PDE4B: variants seen among roughly 807,000 people sequenced by gnomAD.
The protein encoded by PDE4B is 3',5'-cyclic-AMP phosphodiesterase 4B.
A neutral mutation model predicts 82.2 loss-of-function variants in PDE4B; 20 were observed. The observed-to-expected ratio is 0.24, with a 90% CI of 0.17 to 0.35. The LOEUF (loss-of-function observed/expected upper bound fraction) is 0.35. Ranked by LOEUF, PDE4B falls within the 10% of genes least tolerant of loss-of-function variation. PDE4B has a pLI of 1.00. For synonymous variants in PDE4B, 320 were observed against 318.9 expected (o/e 1.00, Z -0.04); for missense variants, 655 against 907.2 (o/e 0.72, Z 3.57).
At chr1:65,926,625 A>G (rs1376655669) in intron 3 of PDE4B, among the ~76,000 whole-genome samples, 1 of 152,186 alleles carries the variant, frequency 6.6e-6, no homozygotes, top group Non-Finnish European at 1.5e-5. Flanking sequence ...AGAAAGGAAC[A>G]TCTGAGTTTG....
chr1:66,260,348 A>G (rs942055738), intron 6 of PDE4B, among the ~76,000 whole-genome samples: 4 of 152,218 alleles, frequency 2.6e-5, no homozygotes, highest in Non-Finnish European at 5.9e-5. Flanking sequence ...CTTCTGGGTT[A>G]TAGGAAGAAG....
chr1:66,067,106 G>A (rs1023756150), intron 3 of PDE4B, among the ~76,000 whole-genome samples: 2 of 152,020 alleles, frequency 1.3e-5, no homozygotes, highest in African/African-American at 4.8e-5. Flanking sequence ...CATTTGGGTT[G>A]GTTCCAAGTC....
intron 1 of PDE4B, among the ~76,000 whole-genome samples, chr1:65,898,932 A>G (rs61799372): frequency 0.27 from 40,490 of 152,088 alleles, 6,065 homozygotes; most frequent in East Asian, 0.48. Flanking sequence ...CAAGAACTCA[A>G]AAGCAAATGC....
At chr1:66,041,829 TAC>T (rs58537930) in intron 3 of PDE4B, among the ~76,000 whole-genome samples, 4 of 145,612 alleles carry the variant, frequency 2.7e-5, no homozygotes, top group Non-Finnish European at 6.1e-5. Flanking sequence ...CACACACACA[TAC>T]ACACACACAC....
Position 65,958,752 on chromosome 1 carries a change from G to A in PDE4B, c.281+39917G>A, listed in dbSNP as rs57948573. 7.3e-3 allele frequency among the ~76,000 whole-genome samples: 441 copies of A among 60,604 alleles called. 3 individuals carry two copies. The highest frequency in any genetic ancestry group is 0.026 in the African/African-American group (301 of 11,518). 39.8% of individuals were successfully genotyped at this position (60,604 alleles called of 152,430 possible). ...ATGTGATACACACACACACACACGC[G>A]CGCGCGCGCGCGCACACACATACAC... On this transcript the variant is annotated intron_variant, in intron 3 of 16. Transcript: ENST00000341517.
intron 8 of PDE4B, among the ~76,000 whole-genome samples, chr1:66,349,601 A>G (rs1661670549): frequency 6.6e-6 from 1 of 152,180 alleles, no homozygotes; most frequent in African/African-American, 2.4e-5. Context: ...TTCTTTGACC[A>G]TGTTACCAAC....
chr1:66,134,954 A>G (rs1646026592), intron 3 of PDE4B, among the ~76,000 whole-genome samples: 1 of 152,248 alleles, frequency 6.6e-6, no homozygotes, highest in South Asian at 2.1e-4. Context: ...TATCATGCAT[A>G]ATTACATAGT....
At chr1:66,191,924 G>T (rs1040390315) in intron 3 of PDE4B, among the ~76,000 whole-genome samples, 4 of 152,094 alleles carry the variant, frequency 2.6e-5, no homozygotes, top group Admixed American at 2.6e-4. Context: ...TAGTATGGGG[G>T]AAAACACCCC....
chr1:66,206,371 G>A (rs1452795733), intron 3 of PDE4B, among the ~76,000 whole-genome samples: 1 of 152,100 alleles, frequency 6.6e-6, no homozygotes, highest in African/African-American at 2.4e-5. Flanking sequence ...TCTCTAGCGG[G>A]GGGATACAGC....
chr1:65,888,485 A>T (rs1646816526), intron 1 of PDE4B, among the ~76,000 whole-genome samples: 1 of 152,150 alleles, frequency 6.6e-6, no homozygotes, highest in African/African-American at 2.4e-5. Flanking sequence ...TATGTGAAAA[A>T]ATGGCATTGC....
intron 3 of PDE4B, among the ~76,000 whole-genome samples, chr1:65,940,011 A>G (rs1648356628): frequency 1.3e-5 from 2 of 152,196 alleles, no homozygotes; most frequent in Non-Finnish European, 2.9e-5. Flanking sequence ...ATAACTAACA[A>G]GAAAACTATA....
At chr1:66,311,578 A>G (rs1658671645) in intron 7 of PDE4B, among the ~76,000 whole-genome samples, 1 of 152,204 alleles carries the variant, frequency 6.6e-6, no homozygotes, top group Admixed American at 6.5e-5. Flanking sequence ...AGCTTGAGAG[A>G]ACTTCTGGCT....
At chr1:66,151,867 G>A (rs1048718467) in intron 3 of PDE4B, among the ~76,000 whole-genome samples, 4 of 152,232 alleles carry the variant, frequency 2.6e-5, no homozygotes, top group Non-Finnish European at 2.9e-5. Flanking sequence ...CCAGAATGAG[G>A]CTCTCCCCAG....
intron 1 of PDE4B, among the ~76,000 whole-genome samples, chr1:65,799,256 A>G (rs891491664): frequency 6.6e-6 from 1 of 152,210 alleles, no homozygotes; most frequent in Non-Finnish European, 1.5e-5. Context: ...CCTTCAGTTC[A>G]GTGATGGCAG....
chr1:65,982,549 A>C (rs1256895883), intron 3 of PDE4B, among the ~76,000 whole-genome samples: 1 of 152,166 alleles, frequency 6.6e-6, no homozygotes, highest in Non-Finnish European at 1.5e-5. Context: ...AATCCAATCA[A>C]CCATCTCAGC....
chr1:66,266,574 G>A lies in PDE4B; in HGVS notation c.634+487G>A, dbSNP rs1009202453. On this transcript the variant is annotated intron_variant, in intron 7 of 16. Transcript: ENST00000341517. ...AAACCAAAGGCTCTTTCCAGGTCAC[G>A]AATCATTTCTTTTGGAGGGCATCCA... is the stretch of plus-strand genomic sequence containing the variant. The A allele has an allele frequency of 1.3e-5, 5 of 396,712 alleles. No individual in the cohort carries two copies. In the East Asian group the frequency reaches 2.2e-4, roughly 17 times the overall value. 24.6% of individuals were successfully genotyped at this position (396,712 alleles called of 1,614,324 possible).
At chr1:66,132,777 A>G (rs553972185) in intron 3 of PDE4B, among the ~76,000 whole-genome samples, 1 of 152,224 alleles carries the variant, frequency 6.6e-6, no homozygotes, top group African/African-American at 2.4e-5. Flanking sequence ...TTTGATGGAA[A>G]CTTGGGCTCA....
Position 66,005,037 on chromosome 1 carries a change from T to G in PDE4B, c.281+86202T>G, listed in dbSNP as rs547141046. 5.9e-5 allele frequency among the ~76,000 whole-genome samples: 9 copies of G among 152,200 alleles called. No individual in the cohort carries two copies. The South Asian group carries it at 8.3e-4, about 14-fold the overall frequency. ...GGGAAAAGAAAGATAAAGATTACTTTACAGAAAGTAAGGGTACTCCATCAT... is the reference window on the plus strand; with the variant it reads ...GGGAAAAGAAAGATAAAGATTACTTGACAGAAAGTAAGGGTACTCCATCAT... On this transcript the variant is annotated intron_variant, in intron 3 of 16. Transcript: ENST00000341517.
intron 3 of PDE4B, among the ~76,000 whole-genome samples, chr1:66,186,218 T>C (rs2101438962): frequency 6.6e-6 from 1 of 152,346 alleles, no homozygotes; most frequent in Non-Finnish European, 1.5e-5. Flanking sequence ...ACCAGCACCA[T>C]GCTGTTTTGG....
Sources: allele counts gnomAD v4.1 joint callset (sites outside exome capture counted in the v4.1 genomes callset), GRCh38; gene constraint gnomAD v4.1.1; transcripts MANE v1.5; gene names NCBI Gene and HGNC (gene_info 2026-07-23, HGNC 2026-07-21).